MTDH: variants seen among roughly 807,000 people sequenced by gnomAD.
The protein encoded by MTDH is metadherin.
Under a neutral mutation model 72.7 loss-of-function variants are expected in MTDH, and 34 were observed. That is an observed-to-expected ratio of 0.47 (90% CI 0.36 to 0.62). MTDH has a LOEUF of 0.62. Among genes scored for constraint, MTDH ranks in the 20% least tolerant of loss-of-function variants. MTDH has a pLI of 0.00. For missense variants in MTDH, 677 were observed against 699.4 expected, an observed-to-expected ratio of 0.97 and a Z score of 0.36; for synonymous variants, 266 against 268.9, an observed-to-expected ratio of 0.99 and a Z score of 0.10.
chr8:97,706,079 C>T (rs1814340163), intron 7 of MTDH, among the ~76,000 whole-genome samples: 2 of 152,008 alleles, frequency 1.3e-5, no homozygotes, highest in Non-Finnish European at 2.9e-5. Flanking sequence ...TAAGAAAGTA[C>T]AGGTTAAGTA....
intron 1 of MTDH, among the ~76,000 whole-genome samples, chr8:97,654,326 T>G (rs1293240780): frequency 6.6e-6 from 1 of 152,222 alleles, no homozygotes; most frequent in African/African-American, 2.4e-5. Flanking sequence ...GGGGAAAATG[T>G]TTTTACTTTC....
At chr8:97,708,691 C>T (rs1048194305) in intron 8 of MTDH, among the ~76,000 whole-genome samples, 1 of 134,948 alleles carries the variant, frequency 7.4e-6, no homozygotes, top group Non-Finnish European at 1.5e-5. Context: ...CCTCCACCTC[C>T]CAGGTTCAAG....
chr8:97,675,939 GT>G (rs57318329), intron 2 of MTDH, among the ~76,000 whole-genome samples: 27,405 of 105,474 alleles, frequency 0.26, 2,885 homozygotes, highest in African/African-American at 0.5. Context: ...TTGCAAATAG[GT>G]TTTTTTTTTT....
chr8:97,729,929 C>A lies in MTDH; in HGVS notation c.*5259C>A, dbSNP rs1273822930. 6.6e-6 allele frequency among the ~76,000 whole-genome samples: 1 copy of A among 152,224 alleles called. No homozygotes were observed. The highest frequency in any genetic ancestry group is 1.9e-4 in the East Asian group (1 of 5,182). On this transcript the variant is annotated 3_prime_UTR_variant, in exon 12 of 12. Transcript: ENST00000336273. ...TATATAACAAGTTGAAAGAGAATCA[C>A]CCTGGTATATAATATTTTAAAACAT...
chr8:97,670,667 TTA>T (rs762631538), intron 2 of MTDH, among the ~76,000 whole-genome samples: 11 of 152,016 alleles, frequency 7.2e-5, no homozygotes, highest in Non-Finnish European at 1.3e-4. Flanking sequence ...ACTGGATAAT[TTA>T]TAAAGAAAAG....
intron 1 of MTDH, among the ~76,000 whole-genome samples, chr8:97,655,033 A>G (rs961238690): frequency 3.9e-5 from 6 of 152,006 alleles, no homozygotes; most frequent in Non-Finnish European, 8.8e-5. Flanking sequence ...CGGAGGTTGC[A>G]GTGAGTCGAG....
chr8:97,644,918 G>T, intron 1 of MTDH, 31 bp downstream of exon 1: 1 of 1,499,720 alleles, frequency 6.7e-7, no homozygotes, highest in Non-Finnish European at 8.8e-7. Flanking sequence ...AGTAGAGAAC[G>T]GGCGAAGGGC....
chr8:97,644,646 AC>A lies in MTDH; in HGVS notation c.144del (p.Gly49AlafsTer3). ...GACCTGGGGCTGGAGCCGAAACGGT[AC>A]CCCGGCTGGGTGATCCTGGTGGGCA... ...GLDLGLEPKRYPGWVILVGTG... is the reference protein window; with the variant it reads ...GLDLGLEPKRXPGWVILVGTG... On this transcript the variant is annotated frameshift_variant, in exon 1 of 12. Coordinates refer to ENST00000336273, the MANE Select transcript of MTDH (RefSeq NM_178812.4). LOFTEE classifies it high-confidence loss of function. The A allele has an allele frequency of 6.2e-7, 1 of 1,609,636 alleles. No homozygotes were observed. The highest frequency in any genetic ancestry group is 2.2e-5 in the East Asian group (1 of 44,580).
intron 2 of MTDH, among the ~76,000 whole-genome samples, chr8:97,678,728 C>CT (rs1320645686): frequency 6.6e-6 from 1 of 151,208 alleles, no homozygotes; most frequent in Non-Finnish European, 1.5e-5. Context: ...CATGAGCCAC[C>CT]TTGACTGGCC....
intron 1 of MTDH, among the ~76,000 whole-genome samples, chr8:97,650,013 T>C (rs538916563): frequency 6.6e-6 from 1 of 152,340 alleles, no homozygotes; most frequent in East Asian, 1.9e-4. Context: ...TGGAGTGCAG[T>C]GGTGCGATCT....
chr8:97,710,683 CAAAAAAAAAAAAAAAA>C (rs376391821), intron 8 of MTDH, among the ~76,000 whole-genome samples: 3 of 53,110 alleles, frequency 5.6e-5, no homozygotes, highest in Admixed American at 5.2e-4. Context: ...GAGACTATCT[CAAAAAAAAAAAAAAAA>C]AAAAAAAAAA....
chr8:97,695,787 A>C (rs1813812751), intron 6 of MTDH, among the ~76,000 whole-genome samples: 1 of 152,074 alleles, frequency 6.6e-6, no homozygotes, highest in Admixed American at 6.5e-5. Flanking sequence ...ACCTGTATGA[A>C]CCTCATACTT....
In MTDH at chr8:97,687,625, G is replaced by A. The variant is rs1187739324; in HGVS notation, c.745+20G>A. The A allele has an allele frequency of 2.6e-6, 4 of 1,551,196 alleles. No individual in the cohort carries two copies. The highest frequency in any genetic ancestry group is 2.3e-5 in the East Asian group (1 of 43,494). On this transcript the variant is annotated intron_variant, in intron 4 of 11. Coordinates refer to ENST00000336273, the MANE Select transcript of MTDH (RefSeq NM_178812.4). ...ATAAAGGTATATTAGTGGAACATAAGACAGTGGTACATCAAATCAAACTCC... is the reference window on the plus strand; with the variant it reads ...ATAAAGGTATATTAGTGGAACATAAAACAGTGGTACATCAAATCAAACTCC...
intron 2 of MTDH, among the ~76,000 whole-genome samples, chr8:97,673,134 TA>T (rs911761143): frequency 2.0e-5 from 3 of 152,270 alleles, no homozygotes; most frequent in East Asian, 3.9e-4. Context: ...CAACAGTTGA[TA>T]AAACAAGAGC....
At chr8:97,694,684 G>A (rs1197718721) in intron 6 of MTDH, among the ~76,000 whole-genome samples, 1 of 152,112 alleles carries the variant, frequency 6.6e-6, no homozygotes, top group Non-Finnish European at 1.5e-5. Context: ...CACTTTGCAG[G>A]GCTGAGGCTG....
chr8:97,713,431 G>T (rs1389451424), intron 8 of MTDH, among the ~76,000 whole-genome samples: 4 of 152,144 alleles, frequency 2.6e-5, no homozygotes, highest in African/African-American at 9.7e-5. Flanking sequence ...CTCTACTTAG[G>T]TTGTAGTGAG....
chr8:97,668,570 TTGAGACA>T (rs1340580393), intron 2 of MTDH, among the ~76,000 whole-genome samples: 26 of 152,146 alleles, frequency 1.7e-4, no homozygotes, highest in Non-Finnish European at 3.2e-4. Flanking sequence ...CTTTTTTTTT[TTGAGACA>T]GAGTCTAGCT....
At position 97,725,459 on chromosome 8, in the gene MTDH, T is replaced by C. The variant is rs986460885; in HGVS notation, c.*789T>C. 1 of 152,580 alleles carries C rather than the reference T, an allele frequency of 6.6e-6. No homozygotes were observed. Among genetic ancestry groups the C allele is most frequent in the Non-Finnish European group, 1.5e-5 (1 of 68,024 alleles). The allele number at this position is 152,580 out of a possible 1,614,324, so 9.5% of individuals were successfully genotyped here. On this transcript the variant is annotated 3_prime_UTR_variant, in exon 12 of 12. Transcript: ENST00000336273. Reference sequence around the variant, plus strand: ...GAAAACTTTCAGGCAAAATCCAATTTACATTTTTCCCTTCCCTAGCAATTA... The same window carrying C: ...GAAAACTTTCAGGCAAAATCCAATTCACATTTTTCCCTTCCCTAGCAATTA...
intron 2 of MTDH, among the ~76,000 whole-genome samples, chr8:97,682,285 T>A (rs1410798840): frequency 4.4e-4 from 9 of 20,662 alleles, no homozygotes; most frequent in African/African-American, 1.8e-3. Flanking sequence ...TATATATTTT[T>A]TTTTTTTTTT....
Sources: allele counts gnomAD v4.1 joint callset (sites outside exome capture counted in the v4.1 genomes callset), GRCh38; gene constraint gnomAD v4.1.1; transcripts MANE v1.5; gene names NCBI Gene and HGNC (gene_info 2026-07-23, HGNC 2026-07-21).